MIA2: variants seen among roughly 807,000 people sequenced by gnomAD.
MIA2 encodes the protein MIA SH3 domain ER export factor 2, also known as melanoma inhibitory activity protein 2.
Under a neutral mutation model 167.8 loss-of-function variants are expected in MIA2, and 127 were observed. The observed-to-expected ratio is 0.76, with a 90% CI of 0.66 to 0.88. MIA2 has a LOEUF of 0.88. Ranked by LOEUF, MIA2 falls within the 40% of genes least tolerant of loss-of-function variation. MIA2 has a pLI of 0.00. For missense variants in MIA2, 1,690 were observed against 1,624.7 expected, an observed-to-expected ratio of 1.04 and a Z score of -0.69; for synonymous variants, 552 against 541.9, an observed-to-expected ratio of 1.02 and a Z score of -0.26.
chr14:39,346,044 C>A lies in MIA2; in HGVS notation c.3778+18C>A. On this transcript the variant is annotated intron_variant, in intron 26 of 28. Transcript: ENST00000640607. ...TAAAATGGGTAAGAAGTACTTTGTG[C>A]TTTTCTTCTTTAAAAATTTTGGTGG... 1 of 1,600,374 alleles carries A rather than the reference C, an allele frequency of 6.2e-7. No homozygotes were observed. Among genetic ancestry groups the A allele is most frequent in the Non-Finnish European group, 8.5e-7 (1 of 1,172,698 alleles).
intron 23 of MIA2, among the ~76,000 whole-genome samples, chr14:39,376,248 C>T (rs1437283777): frequency 6.6e-6 from 1 of 152,096 alleles, no homozygotes; most frequent in African/African-American, 2.4e-5. Flanking sequence ...GCCACTGCGC[C>T]CAGCCAAATG....
intron 6 of MIA2, among the ~76,000 whole-genome samples, chr14:39,269,271 T>C (rs548318049): frequency 7.6e-4 from 115 of 152,118 alleles, no homozygotes; most frequent in Non-Finnish European, 1.3e-3. Flanking sequence ...CACTATGTTA[T>C]GCAACTGTCA....
chr14:39,368,938 C>T (rs1466703375), intron 23 of MIA2, among the ~76,000 whole-genome samples: 1 of 152,070 alleles, frequency 6.6e-6, no homozygotes, highest in Admixed American at 6.6e-5. Flanking sequence ...TAAAAGTTGT[C>T]TTCTAAATTA....
rs190336248 is a variant in MIA2 at position 39,334,431 on chromosome 14, C to T, written c.3655+7409C>T. Among the ~76,000 whole-genome samples, 194 of 149,514 alleles carry T rather than the reference C, an allele frequency of 1.3e-3. 1 individual carries two copies. Among genetic ancestry groups the T allele is most frequent in the African/African-American group, 4.3e-3 (175 of 40,590 alleles). Reference sequence around the variant, plus strand: ...CAGAGGTTGCAGTGAGCCGAGATTGCGCCACTGCACTCTAGTCTGGCAACA... The same window carrying T: ...CAGAGGTTGCAGTGAGCCGAGATTGTGCCACTGCACTCTAGTCTGGCAACA... On this transcript the variant is annotated intron_variant, in intron 25 of 28. Transcript: ENST00000640607.
chr14:39,279,679 C>G, intron 9 of MIA2, 142 bp downstream of exon 9: 2 of 602,826 alleles, frequency 3.3e-6, no homozygotes, highest in Non-Finnish European at 5.7e-6. Flanking sequence ...ATATTCAACA[C>G]TTAACCAGTC....
At chr14:39,316,923 A>G (rs2065556726) in intron 21 of MIA2, among the ~76,000 whole-genome samples, 1 of 152,136 alleles carries the variant, frequency 6.6e-6, no homozygotes, top group Non-Finnish European at 1.5e-5. Flanking sequence ...AAAACCACAA[A>G]CAACAATGGC....
intron 26 of MIA2, chr14:39,346,944 T>C (rs1189317765): frequency 6.5e-6 from 2 of 310,064 alleles, no homozygotes; most frequent in South Asian, 5.6e-5. Flanking sequence ...TTTTTAATTA[T>C]TATTTTTGAG....
At chr14:39,315,094 A>G in intron 20 of MIA2, 1 of 218,928 alleles carries the variant, frequency 4.6e-6, no homozygotes, top group Non-Finnish European at 8.5e-6. Context: ...ACCAGCCTGG[A>G]TAACATGGCA....
At chr14:39,240,433 A>G (rs561986360) in intron 2 of MIA2, 128 bp from the exon 3 acceptor site, 15 of 547,820 alleles carry the variant, frequency 2.7e-5, no homozygotes, top group African/African-American at 2.7e-4. Flanking sequence ...TTATATGGAA[A>G]TTGATAGTCG....
chr14:39,347,611 G>A (rs2073585741), intron 26 of MIA2, 102 bp from the exon 27 acceptor site: 9 of 1,169,064 alleles, frequency 7.7e-6, no homozygotes, highest in Admixed American at 2.0e-5. Flanking sequence ...TGGCTTATGT[G>A]CCAACAAGGG....
chr14:39,386,866 G>T, intron 23 of MIA2: 1 of 855,848 alleles, frequency 1.2e-6, no homozygotes, highest in East Asian at 2.4e-5. Flanking sequence ...ACTCTGAGGC[G>T]GTCGTTCTCT....
chr14:39,268,945 A>G, intron 6 of MIA2: 1 of 923,930 alleles, frequency 1.1e-6, no homozygotes. Flanking sequence ...TTCACTAAAA[A>G]CAATAATAAT....
chr14:39,315,120 T>TAAAAAAAA (rs558848153), intron 20 of MIA2: 2 of 105,822 alleles, frequency 1.9e-5, no homozygotes, highest in African/African-American at 8.7e-5. Flanking sequence ...CTGTCTCTAC[T>TAAAAAAAA]AAAAAAAAAA....
intron 23 of MIA2, chr14:39,385,766 T>C: frequency 1.1e-6 from 1 of 874,810 alleles, no homozygotes; most frequent in Non-Finnish European, 2.0e-6. Flanking sequence ...GATGAATTTG[T>C]TACCAGGTCA....
chr14:39,305,792 C>G (rs895531725), intron 17 of MIA2, among the ~76,000 whole-genome samples: 1 of 152,000 alleles, frequency 6.6e-6, no homozygotes, highest in South Asian at 2.1e-4. Flanking sequence ...GAAAATTAGT[C>G]GGGCGTGGTG....
At chr14:39,331,002 T>C (rs1432969868) in intron 25 of MIA2, among the ~76,000 whole-genome samples, 4 of 152,190 alleles carry the variant, frequency 2.6e-5, no homozygotes, top group Admixed American at 2.6e-4. Context: ...TGAATTCAAG[T>C]CCTGAATATT....
At chr14:39,269,086 T>G (rs975829974) in intron 6 of MIA2, 4 of 959,566 alleles carry the variant, frequency 4.2e-6, no homozygotes, top group African/African-American at 1.8e-5. Flanking sequence ...TTTTTTTTTT[T>G]TTTTTTTTTT....
At chr14:39,386,896 C>T (rs1368737283) in exon 24 of MIA2, 1 of 798,264 alleles carries the variant, frequency 1.3e-6, no homozygotes, top group Non-Finnish European at 2.2e-6. Flanking sequence ...CGCACGCTCT[C>T]CGCCCGGGGC....
At chr14:39,234,328 C>G in intron 1 of MIA2, 99 bp downstream of exon 1, 1 of 643,952 alleles carries the variant, frequency 1.6e-6, no homozygotes, top group South Asian at 2.5e-5. Context: ...AGTATTGATA[C>G]CATTGAGAAA....
Sources: gnomAD v4.1 joint callset for allele counts (sites outside exome capture counted in the v4.1 genomes callset) on GRCh38, gnomAD v4.1.1 for gene constraint, MANE v1.5 for transcripts, NCBI Gene and HGNC (gene_info 2026-07-23, HGNC 2026-07-21) for gene names.